CIP2A: variants seen among roughly 807,000 people sequenced by gnomAD.
CIP2A encodes protein CIP2A.
Under a neutral mutation model 110.9 loss-of-function variants are expected in CIP2A, and 103 were observed. The ratio of observed to expected loss-of-function variants is 0.93; its 90% CI spans 0.79 to 1.09. The LOEUF is 1.09. CIP2A is among the 50% of genes least tolerant of loss of function. The pLI is 0.00. For synonymous variants in CIP2A, 381 were observed against 361.6 expected, an observed-to-expected ratio of 1.05 and a Z score of -0.61; for missense variants, 1,088 against 1,038.4, an observed-to-expected ratio of 1.05 and a Z score of -0.66.
chr3:108,577,898 C>CTAAA (rs1178859510), intron 7 of CIP2A, among the ~76,000 whole-genome samples: 21 of 151,834 alleles, frequency 1.4e-4, no homozygotes, highest in South Asian at 8.3e-4. Flanking sequence ...GACTCTGTCT[C>CTAAA]TAAATAAATA....
At position 108,561,003 on chromosome 3, in the gene CIP2A, C is replaced by T. The variant is rs546552349; in HGVS notation, c.1635-162G>A. On this transcript the variant is annotated intron_variant, in intron 13 of 20. Coordinates refer to ENST00000295746, the MANE Select transcript of CIP2A (RefSeq NM_020890.3). ...ATGAAATGAAGTCTTGGGAAATATT[C>T]TGAATTTTCCAGAGCACCCACTTTT... 5.3e-5 allele frequency among the ~76,000 whole-genome samples: 8 copies of T among 152,248 alleles called. No homozygotes were observed. The South Asian group carries it at 1.2e-3, about 24-fold the overall frequency.
chr3:108,577,716 C>T (rs1237906002), intron 7 of CIP2A, among the ~76,000 whole-genome samples: 3 of 151,850 alleles, frequency 2.0e-5, no homozygotes, highest in East Asian at 1.9e-4. Flanking sequence ...CTGGCCAACA[C>T]GGTGAAACCC....
chr3:108,587,860 C>T (rs940556154), intron 1 of CIP2A, among the ~76,000 whole-genome samples: 17 of 152,056 alleles, frequency 1.1e-4, no homozygotes, highest in Non-Finnish European at 2.2e-4. Context: ...TCTACTTATG[C>T]AACCTCAGCC....
At chr3:108,584,602 C>T (rs1938986453) in intron 2 of CIP2A, among the ~76,000 whole-genome samples, 1 of 152,132 alleles carries the variant, frequency 6.6e-6, no homozygotes. Context: ...TGGCTAGTGG[C>T]TGCTACATTG....
intron 19 of CIP2A, among the ~76,000 whole-genome samples, 159 bp downstream of exon 19, chr3:108,553,489 T>A (rs976447052): frequency 6.6e-6 from 1 of 152,004 alleles, no homozygotes; most frequent in Non-Finnish European, 1.5e-5. Context: ...TAAACCGAAC[T>A]GCTTTTGTGA....
chr3:108,557,303 G>A lies in CIP2A; in HGVS notation c.2125C>T (p.His709Tyr). Residue 709 changes from histidine to tyrosine, a missense_variant, in exon 17 of 21, where the codon CAT becomes TAT. His to Tyr is a moderately conservative substitution (Grantham distance 83). Transcript: ENST00000295746. Reference protein sequence around the residue: ...ESERAQSDIEHLFQHNRKLES... With the variant: ...ESERAQSDIEYLFQHNRKLES... Reference sequence around the variant, plus strand: ...AACTTCCTATTATGTTGAAAGAGATGCTCAATATCACTCTGCGCTCTTTCT... The same window carrying A: ...AACTTCCTATTATGTTGAAAGAGATACTCAATATCACTCTGCGCTCTTTCT... 6.2e-7 allele frequency: 1 copy of A among 1,611,362 alleles called. No individual in the cohort carries two copies. Among genetic ancestry groups the A allele is most frequent in the East Asian group, 2.2e-5 (1 of 44,836 alleles).
chr3:108,553,484 C>A (rs937374975), intron 19 of CIP2A, among the ~76,000 whole-genome samples, 164 bp downstream of exon 19: 2 of 151,784 alleles, frequency 1.3e-5, no homozygotes, highest in Non-Finnish European at 2.9e-5. Context: ...TTGATTAAAC[C>A]GAACTGCTTT....
At position 108,557,510 on chromosome 3, in the gene CIP2A, G is replaced by A. The variant is rs377616157; in HGVS notation, c.2014-96C>T. On this transcript the variant is annotated intron_variant, in intron 16 of 20. Transcript: ENST00000295746. ...TAAAAGTTTACTAAGTATCTAATAA[G>A]CTGGTATCTGTTGGGTCATGCAAAG... is the stretch of plus-strand genomic sequence containing the variant. The A allele has an allele frequency of 9.6e-4, 864 of 903,640 alleles. 9 individuals are homozygous for A. In the South Asian group the frequency reaches 0.018, roughly 19 times the overall value. The allele number at this position is 903,640 out of a possible 1,614,324, so 56.0% of individuals were successfully genotyped here.
At chr3:108,587,752 C>T (rs1324961375) in intron 1 of CIP2A, among the ~76,000 whole-genome samples, 1 of 152,012 alleles carries the variant, frequency 6.6e-6, no homozygotes, top group East Asian at 1.9e-4. Context: ...ACAGTAAAGA[C>T]CCCATCCCAT....
At chr3:108,568,566 G>A (rs1938266214) in intron 9 of CIP2A, among the ~76,000 whole-genome samples, 1 of 151,888 alleles carries the variant, frequency 6.6e-6, no homozygotes, top group Non-Finnish European at 1.5e-5. Context: ...CAGACTTTGT[G>A]ATTTAAAAAT....
intron 13 of CIP2A, among the ~76,000 whole-genome samples, chr3:108,562,614 G>A (rs982817895): frequency 1.3e-5 from 2 of 151,956 alleles, no homozygotes; most frequent in African/African-American, 4.8e-5. Flanking sequence ...TGAAAGTAAC[G>A]AGTATAGTAG....
intron 9 of CIP2A, 133 bp from the exon 10 acceptor site, chr3:108,568,447 T>C (rs1267902050): frequency 1.0e-5 from 6 of 578,018 alleles, no homozygotes; most frequent in African/African-American, 7.8e-5. Context: ...CTAAGTCTCC[T>C]GTGAATATTT....
chr3:108,563,289 C>T (rs1938071417), intron 12 of CIP2A, 45 bp from the exon 13 acceptor site: 3 of 1,131,724 alleles, frequency 2.7e-6, no homozygotes, highest in Middle Eastern at 2.0e-4. Context: ...AAAGAATAAA[C>T]AATGTCAGCT....
Position 108,552,357 on chromosome 3 carries a change from T to A in CIP2A, c.2424A>T (p.Thr808=). ...EHKLANLHQK[T]KVQEEKIKTL... ...TTTTAATCTTTTCTTCTTGTACTTT[T>A]GTTTTTTGATGCAAATCTTAAAAGA... Residue 808 remains threonine, a synonymous_variant, in exon 20 of 21, where the codon ACA becomes ACT. Transcript: ENST00000295746. 1.3e-6 allele frequency: 2 copies of A among 1,531,114 alleles called. No individual in the cohort carries two copies. The highest frequency in any genetic ancestry group is 2.4e-5 in the South Asian group (2 of 81,748). The allele number at this position is 1,531,114 out of a possible 1,614,324, so 94.8% of individuals were successfully genotyped here.
rs1163991017 is a variant in CIP2A at position 108,569,168 on chromosome 3, CTATATA to C, written c.1113+215_1113+220del. Among the ~76,000 whole-genome samples the C allele has an allele frequency of 1.8e-4, 2 of 11,086 alleles. 1 individual carries two copies. Among genetic ancestry groups the C allele is most frequent in the Non-Finnish European group, 4.1e-4 (2 of 4,884 alleles). 7.3% of individuals were successfully genotyped at this position (11,086 alleles called of 152,430 possible). A position where few individuals can be genotyped will look rare whatever the true frequency, so the allele number is the denominator to read the frequency against. On this transcript the variant is annotated intron_variant, in intron 9 of 20. Transcript: ENST00000295746. The stretch of plus-strand genomic sequence containing the variant: ...TTTACTTATTACACTGAAATGAGCA[CTATATA>C]TATATATACATACACACTACTCAGT...
At position 108,559,873 on chromosome 3, in the gene CIP2A, A is replaced by T; in HGVS notation, c.1903-6T>A. 6.2e-7 allele frequency: 1 copy of T among 1,603,638 alleles called. No homozygotes were observed. The highest frequency in any genetic ancestry group is 8.5e-7 in the Non-Finnish European group (1 of 1,172,448). On this transcript the variant is annotated splice_region_variant and splice_polypyrimidine_tract_variant and intron_variant, in intron 15 of 20. Transcript: ENST00000295746. ...TGTAGCCTGCTTTCTTTGGACTACA[A>T]GAAAACATATCATTAATTTTCATTT... is the stretch of plus-strand genomic sequence containing the variant.
chr3:108,579,358 G>T lies in CIP2A; in HGVS notation c.741C>A (p.Gly247=). 6.2e-7 allele frequency: 1 copy of T among 1,603,112 alleles called. No homozygotes were observed. Among genetic ancestry groups the T allele is most frequent in the Non-Finnish European group, 8.5e-7 (1 of 1,170,466 alleles). ...CAACTGAATACTTTCTAGTTAGAGT[G>T]CCATCACCGTTTATGAGAATATTAA... The part of the protein sequence containing the change: ...LIFNILINGD[G]TLTRKYSVDL... Residue 247 remains glycine (G), a synonymous_variant, in exon 7 of 21, where the codon GGC becomes GGA. Transcript: ENST00000295746.
rs753779197 is a variant in CIP2A at position 108,576,355 on chromosome 3, AG to A, written c.819-10del. Reference sequence around the variant, plus strand: ...AAGAAAAGTGCTCATATCTAGGTTTAGAATAAAAATATACATCAAATGATAA... The same window carrying A: ...AAGAAAAGTGCTCATATCTAGGTTTAAATAAAAATATACATCAAATGATAA... On this transcript the variant is annotated splice_polypyrimidine_tract_variant and intron_variant, in intron 7 of 20. Coordinates refer to ENST00000295746, the MANE Select transcript of CIP2A (RefSeq NM_020890.3). The A allele has an allele frequency of 6.1e-4, 861 of 1,415,694 alleles. No individual in the cohort carries two copies. Among genetic ancestry groups the A allele is most frequent in the Non-Finnish European group, 7.6e-4 (786 of 1,030,780 alleles). 87.7% of individuals were successfully genotyped at this position (1,415,694 alleles called of 1,614,324 possible). A position where few individuals can be genotyped will look rare whatever the true frequency, so the allele number is the denominator to read the frequency against.
In CIP2A at chr3:108,584,689, G is replaced by A. The variant is rs910555588; in HGVS notation, c.250+376C>T. The stretch of plus-strand genomic sequence containing the variant: ...ATGCTGCTCTGTGTTAATACTTCTG[G>A]ATCACTAGAATTTTTTAAACTATGC... On this transcript the variant is annotated intron_variant, in intron 2 of 20. Coordinates refer to ENST00000295746, the MANE Select transcript of CIP2A (RefSeq NM_020890.3). Among the ~76,000 whole-genome samples the A allele has an allele frequency of 7.2e-5, 11 of 152,020 alleles. No individual in the cohort carries two copies. The East Asian group carries it at 1.9e-3, about 27-fold the overall frequency.
Sources: allele counts gnomAD v4.1 joint callset (sites outside exome capture counted in the v4.1 genomes callset), GRCh38; gene constraint gnomAD v4.1.1; transcripts MANE v1.5; gene names NCBI Gene and HGNC (gene_info 2026-07-23, HGNC 2026-07-21).